The following OPRD1 variants were observed in gnomAD, a reference collection of about 807,000 sequenced individuals.
The protein encoded by OPRD1 is delta-type opioid receptor.
Under a neutral mutation model 17.5 loss-of-function variants are expected in OPRD1, and 19 were observed. That is an observed-to-expected ratio of 1.09 (90% CI 0.76 to 1.60). OPRD1 has a LOEUF of 1.60. OPRD1 is among the 40% of genes most tolerant of loss of function. The probability of loss-of-function intolerance (pLI) is 0.00; values close to 1 mark genes in which losing one functional copy is unlikely to be tolerated. For missense variants in OPRD1, 483 were observed against 547.2 expected, an observed-to-expected ratio of 0.88 and a Z score of 1.17; for synonymous variants, 256 against 240.9, an observed-to-expected ratio of 1.06 and a Z score of -0.58.
At chr1:28,817,817 G>A (rs1180434551) in intron 1 of OPRD1, among the ~76,000 whole-genome samples, 1 of 150,594 alleles carries the variant, frequency 6.6e-6, no homozygotes, top group African/African-American at 2.4e-5. Flanking sequence ...GGATTCTCGT[G>A]CCTCAGCCTC....
At chr1:28,841,899 T>G (rs1182234776) in intron 1 of OPRD1, among the ~76,000 whole-genome samples, 1 of 148,988 alleles carries the variant, frequency 6.7e-6, no homozygotes, top group African/African-American at 2.5e-5. Context: ...TTTTTTTGTA[T>G]TTTTAGTGGA....
Position 28,869,417 on chromosome 1 carries a change from CG to C in OPRD1, c.*6138del, listed in dbSNP as rs2147755228. On this transcript the variant is annotated 3_prime_UTR_variant, in exon 3 of 3. Transcript: ENST00000234961. ...CGGGTTCTAGTCCCAGCACCATCAC[CG>C]GGGATGAGCCGTTTCAGAGTGTGGC... is the stretch of plus-strand genomic sequence containing the variant. The C allele has an allele frequency of 1.3e-5, 2 of 152,254 alleles. No individual in the cohort carries two copies. Among genetic ancestry groups the C allele is most frequent in the South Asian group, 4.1e-4 (2 of 4,826 alleles). 9.4% of individuals were successfully genotyped at this position (152,254 alleles called of 1,614,324 possible). A position where few individuals can be genotyped will look rare whatever the true frequency, so the allele number is the denominator to read the frequency against.
chr1:28,849,228 C>G (rs188578014), intron 1 of OPRD1, among the ~76,000 whole-genome samples: 10 of 151,956 alleles, frequency 6.6e-5, no homozygotes, highest in African/African-American at 2.4e-4. Flanking sequence ...CATAGTGAGA[C>G]CCTCATCTCT....
At chr1:28,814,308 T>A (rs975737560) in intron 1 of OPRD1, among the ~76,000 whole-genome samples, 1 of 152,182 alleles carries the variant, frequency 6.6e-6, no homozygotes, top group African/African-American at 2.4e-5. Flanking sequence ...TAATGATAAA[T>A]CTTCTTCCAC....
intron 1 of OPRD1, among the ~76,000 whole-genome samples, chr1:28,826,143 TA>T (rs1251398421): frequency 2.0e-5 from 3 of 152,176 alleles, no homozygotes; most frequent in Non-Finnish European, 4.4e-5. Context: ...ACCTCAGAGA[TA>T]CTGTGGTTTG....
intron 1 of OPRD1, among the ~76,000 whole-genome samples, chr1:28,815,998 C>T (rs2088669452): frequency 1.3e-5 from 2 of 152,092 alleles, no homozygotes; most frequent in South Asian, 4.2e-4. Flanking sequence ...GTGGGAACAC[C>T]AACAGCGCCT....
Position 28,846,870 on chromosome 1 carries a change from CTTTCTTTCTTTCTTTCTTTCT to C in OPRD1, c.228-12078_228-12058del, listed in dbSNP as rs1557576026. On this transcript the variant is annotated intron_variant, in intron 1 of 2. Coordinates refer to ENST00000234961, the MANE Select transcript of OPRD1 (RefSeq NM_000911.4). ...CTTTTCTTTCTTTCTTTCTTTCTTT[CTTTCTTTCTTTCTTTCTTTCT>C]TTTCTCTTTCTTTCTTTTTCTTTCT... Among the ~76,000 whole-genome samples the C allele has an allele frequency of 2.3e-4, 17 of 75,302 alleles. 1 individual carries two copies. The East Asian group carries it at 8.1e-3, about 36-fold the overall frequency. The allele number at this position is 75,302 out of a possible 152,430, so 49.4% of individuals were successfully genotyped here.
At chr1:28,849,390 C>T (rs780801888) in intron 1 of OPRD1, among the ~76,000 whole-genome samples, 16 of 152,098 alleles carry the variant, frequency 1.1e-4, no homozygotes, top group Non-Finnish European at 1.8e-4. Flanking sequence ...AAGAGACCTA[C>T]GGAAATTGAT....
chr1:28,855,272 G>A (rs2089045526), intron 1 of OPRD1, among the ~76,000 whole-genome samples: 1 of 152,096 alleles, frequency 6.6e-6, no homozygotes, highest in Non-Finnish European at 1.5e-5. Flanking sequence ...GGGGTTCCAG[G>A]CAGAGGCAAG....
intron 1 of OPRD1, among the ~76,000 whole-genome samples, chr1:28,840,754 T>C (rs1248616385): frequency 6.6e-6 from 1 of 152,062 alleles, no homozygotes; most frequent in East Asian, 1.9e-4. Flanking sequence ...AAATCCCGGC[T>C]CCACTAAAAA....
At chr1:28,841,898 AT>A (rs1482699159) in intron 1 of OPRD1, among the ~76,000 whole-genome samples, 25 of 129,630 alleles carry the variant, frequency 1.9e-4, no homozygotes, top group African/African-American at 5.4e-4. Context: ...TTTTTTTTGT[AT>A]TTTTAGTGGA....
chr1:28,857,936 G>A (rs1200771666), intron 1 of OPRD1, among the ~76,000 whole-genome samples: 1 of 151,742 alleles, frequency 6.6e-6, no homozygotes, highest in Non-Finnish European at 1.5e-5. Flanking sequence ...GGGACAACAG[G>A]CGTGCACCAC....
At chr1:28,818,170 G>A (rs190897328) in intron 1 of OPRD1, among the ~76,000 whole-genome samples, 76 of 152,344 alleles carry the variant, frequency 5.0e-4, no homozygotes, top group African/African-American at 1.4e-3. Context: ...CAGGTGGGCT[G>A]TTGAGGCCTG....
At chr1:28,831,508 CAA>C (rs11287279) in intron 1 of OPRD1, among the ~76,000 whole-genome samples, 232 of 136,352 alleles carry the variant, frequency 1.7e-3, no homozygotes, top group Admixed American at 1.7e-3. Context: ...GACTCCGTCT[CAA>C]AAAAAAAAAA....
chr1:28,813,116 G>C (rs1448162537), intron 1 of OPRD1, among the ~76,000 whole-genome samples: 1 of 152,206 alleles, frequency 6.6e-6, no homozygotes, highest in East Asian at 1.9e-4. Context: ...GTCATATTTG[G>C]TGCTCATCTG....
intron 1 of OPRD1, among the ~76,000 whole-genome samples, chr1:28,839,636 G>A (rs2088879700): frequency 6.6e-6 from 1 of 152,078 alleles, no homozygotes; most frequent in Non-Finnish European, 1.5e-5. Context: ...TGTTGTTACT[G>A]TTTTTGATTT....
chr1:28,818,416 A>G (rs561140818), intron 1 of OPRD1, among the ~76,000 whole-genome samples: 2 of 152,198 alleles, frequency 1.3e-5, no homozygotes, highest in Admixed American at 1.3e-4. Flanking sequence ...CCCTGGAACT[A>G]TGGGAGTCCA....
At chr1:28,824,993 G>A (rs1389601363) in intron 1 of OPRD1, among the ~76,000 whole-genome samples, 3 of 151,738 alleles carry the variant, frequency 2.0e-5, no homozygotes, top group South Asian at 2.1e-4. Context: ...CACCGCGCCC[G>A]GCTAATTTTT....
Position 28,864,922 on chromosome 1 carries a change from C to T in OPRD1, c.*1639C>T, listed in dbSNP as rs1024355806. 1 of 152,112 alleles carries T rather than the reference C, an allele frequency of 6.6e-6. No individual in the cohort carries two copies. The highest frequency in any genetic ancestry group is 2.4e-5 in the African/African-American group (1 of 41,390). The allele number at this position is 152,112 out of a possible 1,614,324, so 9.4% of individuals were successfully genotyped here. ...GGAACTGCCCATATGGGGACCTGAC[C>T]TTGAAGGAACTGGGGGGAGAAGCTT... On this transcript the variant is annotated 3_prime_UTR_variant, in exon 3 of 3. Transcript: ENST00000234961.
Sources: allele counts gnomAD v4.1 joint callset (sites outside exome capture counted in the v4.1 genomes callset), GRCh38; gene constraint gnomAD v4.1.1; transcripts MANE v1.5; gene names NCBI Gene and HGNC (gene_info 2026-07-23, HGNC 2026-07-21).